The following SLC25A30 variants were observed in gnomAD, a reference collection of about 807,000 sequenced individuals.
The protein encoded by SLC25A30 is solute carrier family 25 member 30, also known as kidney mitochondrial carrier protein 1.
A neutral mutation model predicts 42.7 loss-of-function variants in SLC25A30; 29 were observed. The ratio of observed to expected loss-of-function variants is 0.68; its 90% CI spans 0.51 to 0.93. The LOEUF (loss-of-function observed/expected upper bound fraction) is 0.93. Among genes scored for constraint, SLC25A30 ranks in the 40% least tolerant of loss-of-function variants. SLC25A30 has a pLI of 0.00. For missense variants in SLC25A30, 300 were observed against 359.7 expected (o/e 0.83, Z 1.34); for synonymous variants, 124 against 131.0 (o/e 0.95, Z 0.37).
upstream of SLC25A30, among the ~76,000 whole-genome samples, chr13:45,423,396 A>G (rs1171335532): frequency 6.7e-6 from 1 of 149,010 alleles, no homozygotes; most frequent in Non-Finnish European, 1.5e-5. Flanking sequence ...TACTCTCTGC[A>G]TTTACTTATT....
the SLC25A30 span, among the ~76,000 whole-genome samples, chr13:45,425,353 TG>T: frequency 9.1e-6 from 1 of 109,394 alleles, no homozygotes; most frequent in Non-Finnish European, 1.7e-5. Flanking sequence ...TATAACTATA[TG>T]TAAGTATATG....
intron 5 of SLC25A30, chr13:45,402,708 G>C: frequency 1.1e-6 from 1 of 922,448 alleles, no homozygotes; most frequent in Non-Finnish European, 1.3e-6. Context: ...ATAGGTGAGA[G>C]AAAAGTTAAT....
chr13:45,419,072 A>C (rs1242302556), upstream of SLC25A30, among the ~76,000 whole-genome samples: 1 of 137,504 alleles, frequency 7.3e-6, no homozygotes, highest in Non-Finnish European at 1.5e-5. Context: ...CGGAGGTTGC[A>C]GTGAGCCAAG....
At chr13:45,419,822 C>T (rs749277718), upstream of SLC25A30, among the ~76,000 whole-genome samples, 2 of 151,482 alleles carry the variant, frequency 1.3e-5, no homozygotes, top group Non-Finnish European at 2.9e-5. Context: ...CCCAGCTACT[C>T]GGGAGGCTGA....
chr13:45,423,815 A>ATAAATATATATATAT, the SLC25A30 span, among the ~76,000 whole-genome samples: 1 of 55,736 alleles, frequency 1.8e-5, no homozygotes, highest in African/African-American at 7.1e-5. Context: ...TATATATAAA[A>ATAAATATATATATAT]ATATAAATAT....
chr13:45,426,449 T>G, the SLC25A30 span, among the ~76,000 whole-genome samples: 378 of 152,294 alleles, frequency 2.5e-3, no homozygotes, highest in Non-Finnish European at 4.3e-3. Flanking sequence ...ATAATCTCAA[T>G]TTTTCCTCCC....
At chr13:45,422,722 G>C (rs1208746143), upstream of SLC25A30, among the ~76,000 whole-genome samples, 3 of 152,056 alleles carry the variant, frequency 2.0e-5, no homozygotes, top group Non-Finnish European at 4.4e-5. Flanking sequence ...GTTTTTCTTG[G>C]TTACAGGTGC....
chr13:45,399,308 C>T (rs936358401), intron 7 of SLC25A30, among the ~76,000 whole-genome samples: 2 of 152,112 alleles, frequency 1.3e-5, no homozygotes, highest in Admixed American at 1.3e-4. Flanking sequence ...CAAGTTCAAG[C>T]GATTCTCCTG....
chr13:45,396,466 T>G (rs1881335895), intron 9 of SLC25A30: 1 of 519,666 alleles, frequency 1.9e-6, no homozygotes, highest in African/African-American at 2.0e-5. Flanking sequence ...TTCATCACTC[T>G]GCCCTTCAGT....
Position 45,393,716 on chromosome 13 carries a change from C to T in SLC25A30, c.*2258G>A. The T allele has an allele frequency of 1.0e-6, 1 of 985,398 alleles. No homozygotes were observed. Among genetic ancestry groups the T allele is most frequent in the Non-Finnish European group, 1.2e-6 (1 of 829,922 alleles). 61.0% of individuals were successfully genotyped at this position (985,398 alleles called of 1,614,324 possible). On this transcript the variant is annotated 3_prime_UTR_variant, in exon 10 of 10. Transcript: ENST00000519676. The stretch of plus-strand genomic sequence containing the variant: ...TTAGAAGCTTCAACAATTGCATTAA[C>T]TCTTTCAAAAAAACAGAAAAAGCAG...
chr13:45,417,992 T>A (rs1883684897), intron 1 of SLC25A30, among the ~76,000 whole-genome samples: 1 of 152,138 alleles, frequency 6.6e-6, no homozygotes, highest in Admixed American at 6.5e-5. Flanking sequence ...CAGGACGGGC[T>A]TCGCACTCGG....
chr13:45,425,158 A>G, the SLC25A30 span, among the ~76,000 whole-genome samples: 3 of 96,298 alleles, frequency 3.1e-5, 1 homozygote, highest in Admixed American at 5.1e-4. Context: ...ATATATTGAT[A>G]AATATATATA....
At chr13:45,403,010 T>C (rs541613720) in intron 5 of SLC25A30, among the ~76,000 whole-genome samples, 2 of 152,356 alleles carry the variant, frequency 1.3e-5, no homozygotes, top group East Asian at 3.9e-4. Context: ...ATGTGTACCT[T>C]ATTTTTGTTT....
the SLC25A30 span, among the ~76,000 whole-genome samples, chr13:45,425,096 T>TGTATATATACATA: frequency 1.8e-3 from 19 of 10,374 alleles, 3 homozygotes; most frequent in East Asian, 0.016. Flanking sequence ...ATAAATATAT[T>TGTATATATACATA]TATAAATATA....
At chr13:45,412,700 A>C (rs144851166) in intron 1 of SLC25A30, among the ~76,000 whole-genome samples, 54 of 152,222 alleles carry the variant, frequency 3.5e-4, no homozygotes, top group African/African-American at 1.2e-3. Flanking sequence ...TTTTAAAGAC[A>C]CTCACAAATA....
chr13:45,421,067 A>T (rs1175034577), upstream of SLC25A30, among the ~76,000 whole-genome samples: 1 of 151,966 alleles, frequency 6.6e-6, no homozygotes, highest in Non-Finnish European at 1.5e-5. Flanking sequence ...CAGCAGCATA[A>T]CCAGTTTAGA....
Position 45,393,461 on chromosome 13 carries a change from C to T in SLC25A30, c.*2513G>A. The T allele has an allele frequency of 3.0e-6, 3 of 983,662 alleles. No homozygotes were observed. The highest frequency in any genetic ancestry group is 3.6e-6 in the Non-Finnish European group (3 of 828,444). 60.9% of individuals were successfully genotyped at this position (983,662 alleles called of 1,614,324 possible). A position where few individuals can be genotyped will look rare whatever the true frequency, so the allele number is the denominator to read the frequency against. ...TTTATATAATGCATACTATTTCTAG[C>T]ACATGAATAAATATAAAGGACAGGA... On this transcript the variant is annotated 3_prime_UTR_variant, in exon 10 of 10. Transcript: ENST00000519676.
chr13:45,430,755 C>A, the SLC25A30 span, among the ~76,000 whole-genome samples: 2 of 152,012 alleles, frequency 1.3e-5, no homozygotes, highest in East Asian at 3.9e-4. Flanking sequence ...TGCAGTGAGC[C>A]CAGATCATGC....
At position 45,394,925 on chromosome 13, in the gene SLC25A30, C is replaced by G. The variant is rs1361586566; in HGVS notation, c.*1049G>C. The G allele has an allele frequency of 1.0e-6, 1 of 985,302 alleles. No individual in the cohort carries two copies. Among genetic ancestry groups the G allele is most frequent in the Admixed American group, 6.1e-5 (1 of 16,266 alleles). The allele number at this position is 985,302 out of a possible 1,614,324, so 61.0% of individuals were successfully genotyped here. A position where few individuals can be genotyped will look rare whatever the true frequency, so the allele number is the denominator to read the frequency against. ...GAAAAATCAACTCTTTGATTCACTACCAACATTTTGCTAAGGAAAATGTAC... is the reference window on the plus strand; with the variant it reads ...GAAAAATCAACTCTTTGATTCACTAGCAACATTTTGCTAAGGAAAATGTAC... On this transcript the variant is annotated 3_prime_UTR_variant, in exon 10 of 10. Transcript: ENST00000519676.
Sources: gnomAD v4.1 joint callset for allele counts (sites outside exome capture counted in the v4.1 genomes callset) on GRCh38, gnomAD v4.1.1 for gene constraint, MANE v1.5 for transcripts, NCBI Gene and HGNC (gene_info 2026-07-23, HGNC 2026-07-21) for gene names.